The following PCDHA11 variants were observed in gnomAD, a reference collection of about 807,000 sequenced individuals.
The protein encoded by PCDHA11 is protocadherin alpha-11.
Under a neutral mutation model 70.3 loss-of-function variants are expected in PCDHA11, and 61 were observed. That is an observed-to-expected ratio of 0.87 (90% CI 0.71 to 1.07). The LOEUF is 1.07. Among genes scored for constraint, PCDHA11 ranks in the 50% least tolerant of loss-of-function variants. The probability of loss-of-function intolerance (pLI) is 0.00; values close to 1 mark genes in which losing one functional copy is unlikely to be tolerated. For synonymous variants in PCDHA11, 633 were observed against 555.1 expected, an observed-to-expected ratio of 1.14 and a Z score of -1.97; for missense variants, 1,324 against 1,237.5, an observed-to-expected ratio of 1.07 and a Z score of -1.05.
intron 1 of PCDHA11, among the ~76,000 whole-genome samples, chr5:140,978,440 T>G (rs1238163577): frequency 2.0e-5 from 3 of 152,244 alleles, no homozygotes; most frequent in African/African-American, 7.2e-5. Context: ...GCTGGTGTTA[T>G]GACTGGGCAC....
At position 141,001,385 on chromosome 5, in the gene PCDHA11, T is replaced by A. The variant is rs540420313; in HGVS notation, c.2540-8242T>A. 3.9e-5 allele frequency among the ~76,000 whole-genome samples: 6 copies of A among 152,316 alleles called. No homozygotes were observed. The East Asian group carries it at 1.2e-3, about 29-fold the overall frequency. ...ACTATTCTGATTACAGAGCCTAAGA[T>A]CCTACAGAGAACAGGGAGTATATTT... On this transcript the variant is annotated intron_variant, in intron 3 of 3. Transcript: ENST00000398640.
At chr5:140,886,905 A>G (rs2061220299) in intron 1 of PCDHA11, among the ~76,000 whole-genome samples, 2 of 152,010 alleles carry the variant, frequency 1.3e-5, no homozygotes, top group Admixed American at 1.3e-4. Flanking sequence ...TTTAATAAAT[A>G]CTTATTGAGT....
At chr5:140,883,910 A>G in intron 1 of PCDHA11, 4 of 1,613,424 alleles carry the variant, frequency 2.5e-6, no homozygotes, top group Non-Finnish European at 3.4e-6. Context: ...TCTGGGCAGC[A>G]ACGTGACGCT....
chr5:140,983,039 A>C (rs1554245052), intron 3 of PCDHA11, among the ~76,000 whole-genome samples: 1 of 152,036 alleles, frequency 6.6e-6, no homozygotes, highest in Non-Finnish European at 1.5e-5. Flanking sequence ...TTTCTCATGG[A>C]AGTGGAAAAT....
At chr5:140,989,329 C>A (rs1554250749) in intron 3 of PCDHA11, among the ~76,000 whole-genome samples, 2 of 152,120 alleles carry the variant, frequency 1.3e-5, no homozygotes, top group African/African-American at 4.8e-5. Context: ...AACTTTGCCA[C>A]CTGACTCAGC....
chr5:140,927,299 T>C, intron 1 of PCDHA11: 4 of 1,614,086 alleles, frequency 2.5e-6, no homozygotes, highest in Middle Eastern at 1.6e-4. Context: ...ATCCCCGAGT[T>C]CCTGACGCCC....
rs781982439 is a variant in PCDHA11, at chr5:140,967,345, C to G, written c.2392-11604C>G. 3 of 1,607,752 alleles carry G rather than the reference C, an allele frequency of 1.9e-6. No homozygotes were observed. The South Asian group carries it at 3.3e-5, about 18-fold the overall frequency. On this transcript the variant is annotated intron_variant, in intron 1 of 3. Coordinates refer to ENST00000398640, the MANE Select transcript of PCDHA11 (RefSeq NM_018902.5). ...ACGAGCTCAGCCCCAGCGAGCACTT[C>G]GAGCTGGACCTTAAGCCCCTGCAGG...
intron 1 of PCDHA11, among the ~76,000 whole-genome samples, chr5:140,944,130 G>C (rs141500614): frequency 3.9e-4 from 60 of 152,256 alleles, no homozygotes; most frequent in Non-Finnish European, 7.9e-4. Context: ...AGAAGAAAAG[G>C]TTGAAGATTA....
chr5:140,891,885 C>T (rs546305739), intron 1 of PCDHA11, among the ~76,000 whole-genome samples: 22 of 152,288 alleles, frequency 1.4e-4, no homozygotes, highest in African/African-American at 2.2e-4. Context: ...TGTCATGTGA[C>T]GATGCAGCAA....
rs2050887580 is a variant in PCDHA11, at chr5:140,869,174, G to A, written c.71G>A (p.Trp24Ter). Residue 24 changes from tryptophan to a stop codon, truncating the protein, a stop_gained, in exon 1 of 4, where the codon TGG (tryptophan) becomes TAG (stop). Coordinates refer to ENST00000398640, the MANE Select transcript of PCDHA11 (RefSeq NM_018902.5). LOFTEE classifies it high-confidence loss of function. ...CTCTGGCTTCTCCTCCTCGAATTCTGGGAGGTGGGGAGCGGCCAGCTCCAC... is the reference window on the plus strand; with the variant it reads ...CTCTGGCTTCTCCTCCTCGAATTCTAGGAGGTGGGGAGCGGCCAGCTCCAC... ...LQLWLLLLEFWEVGSGQLHYS... is the reference protein window; with the variant it reads ...LQLWLLLLEF The A allele has an allele frequency of 6.2e-7, 1 of 1,613,958 alleles. No homozygotes were observed. The highest frequency in any genetic ancestry group is 8.5e-7 in the Non-Finnish European group (1 of 1,179,890).
At chr5:140,880,944 G>A (rs1256173059) in intron 1 of PCDHA11, among the ~76,000 whole-genome samples, 2 of 152,198 alleles carry the variant, frequency 1.3e-5, no homozygotes, top group African/African-American at 4.8e-5. Context: ...AATGGAGCAG[G>A]AGAGGATGAT....
intron 1 of PCDHA11, among the ~76,000 whole-genome samples, chr5:140,952,114 A>G (rs246038): frequency 0.56 from 85,531 of 151,814 alleles, 24,721 homozygotes; most frequent in African/African-American, 0.69. Flanking sequence ...CGTGTGAGGG[A>G]TGGGCTCCCA....
At chr5:140,890,688 T>C (rs570229410) in intron 1 of PCDHA11, among the ~76,000 whole-genome samples, 4 of 152,334 alleles carry the variant, frequency 2.6e-5, no homozygotes, top group Admixed American at 2.6e-4. Flanking sequence ...TTCTGGGAAA[T>C]GCAGGGACCT....
intron 1 of PCDHA11, chr5:140,876,201 T>C: frequency 1.9e-6 from 3 of 1,613,952 alleles, no homozygotes; most frequent in Non-Finnish European, 1.7e-6. Flanking sequence ...CGGCGTTTGA[T>C]AAGCCCAGCT....
In PCDHA11 at chr5:140,870,707, G is replaced by A; in HGVS notation, c.1604G>A (p.Ser535Asn). The change falls in exon 1 of 4, where the codon AGC becomes AAC. Residue 535 changes from serine (S) to asparagine (N), a missense_variant. Ser to Asn is a conservative substitution (Grantham distance 46). Transcript: ENST00000398640. ...EELELLQFQV[S>N]ARDAGVPPLS... Reference sequence around the variant, plus strand: ...CTGGAGCTGCTACAGTTCCAGGTGAGCGCGCGCGATGCGGGCGTGCCGCCT... The same window carrying A: ...CTGGAGCTGCTACAGTTCCAGGTGAACGCGCGCGATGCGGGCGTGCCGCCT... 1 of 1,613,076 alleles carries A rather than the reference G, an allele frequency of 6.2e-7. No homozygotes were observed. Among genetic ancestry groups the A allele is most frequent in the Non-Finnish European group, 8.5e-7 (1 of 1,179,872 alleles).
At chr5:140,962,126 C>A (rs1429316991) in intron 1 of PCDHA11, among the ~76,000 whole-genome samples, 1 of 152,094 alleles carries the variant, frequency 6.6e-6, no homozygotes. Flanking sequence ...ACCTTGGCCT[C>A]GGCCTCCCAA....
chr5:140,889,856 G>GT (rs1471217688), intron 1 of PCDHA11, among the ~76,000 whole-genome samples: 17 of 152,122 alleles, frequency 1.1e-4, no homozygotes, highest in African/African-American at 4.1e-4. Context: ...GAGAATATTT[G>GT]TTTTGGGGGA....
chr5:140,997,719 C>T (rs1456038917), intron 3 of PCDHA11, among the ~76,000 whole-genome samples: 1 of 150,932 alleles, frequency 6.6e-6, no homozygotes, highest in East Asian at 1.9e-4. Context: ...CACCTTTCTA[C>T]GTCAGTACAT....
intron 3 of PCDHA11, among the ~76,000 whole-genome samples, chr5:140,997,598 TG>T (rs1182118908): frequency 6.6e-5 from 10 of 152,124 alleles, no homozygotes; most frequent in Admixed American, 2.0e-4. Context: ...AACATGATTA[TG>T]GGGCGCATGA....
Sources: allele counts gnomAD v4.1 joint callset (sites outside exome capture counted in the v4.1 genomes callset), GRCh38; gene constraint gnomAD v4.1.1; transcripts MANE v1.5; gene names NCBI Gene and HGNC (gene_info 2026-07-23, HGNC 2026-07-21).